The following RGPD4 variants were observed in gnomAD, a reference collection of about 807,000 sequenced individuals.
RGPD4 encodes the protein RANBP2 like and GRIP domain containing 4.
In RGPD4, 84 loss-of-function variants were observed where a neutral mutation model predicts 141.1. The observed-to-expected ratio is 0.60, with a 90% CI of 0.50 to 0.71. The LOEUF (loss-of-function observed/expected upper bound fraction) is 0.71. RGPD4 is among the 30% of genes least tolerant of loss of function. The pLI, the probability that RGPD4 is intolerant of heterozygous loss-of-function variation, is 0.00. For synonymous variants in RGPD4, 298 were observed against 566.8 expected (o/e 0.53, Z 6.74); for missense variants, 918 against 1,622.4 (o/e 0.57, Z 7.46).
chr2:107,888,374 G>A (rs1283973035), intron 22 of RGPD4, among the ~76,000 whole-genome samples: 1 of 151,158 alleles, frequency 6.6e-6, no homozygotes, highest in Admixed American at 6.6e-5. Context: ...ACATACAACA[G>A]TGCATTTCAG....
At chr2:107,881,088 T>C (rs1282318494) in intron 21 of RGPD4, among the ~76,000 whole-genome samples, 1 of 150,572 alleles carries the variant, frequency 6.6e-6, no homozygotes, top group African/African-American at 2.5e-5. Context: ...TGTACTTTGC[T>C]GCTCCTAATA....
intron 22 of RGPD4, chr2:107,883,089 A>G (rs1056843079): frequency 5.5e-5 from 37 of 672,658 alleles, no homozygotes; most frequent in Admixed American, 7.5e-5. Context: ...GCAAAATACA[A>G]TAAGTGCTTA....
Position 107,890,897 on chromosome 2 carries a change from T to C in RGPD4, c.*166T>C, listed in dbSNP as rs1675640328. ...TCAAAAAGTGTGTATATGTTTGCATTTACATATATTTGTACATCTATATGA... is the reference window on the plus strand; with the variant it reads ...TCAAAAAGTGTGTATATGTTTGCATCTACATATATTTGTACATCTATATGA... On this transcript the variant is annotated 3_prime_UTR_variant, in exon 23 of 23. Transcript: ENST00000408999. The C allele has an allele frequency of 4.4e-6, 3 of 677,856 alleles. No homozygotes were observed. Among genetic ancestry groups the C allele is most frequent in the African/African-American group, 3.7e-5 (2 of 54,500 alleles). 42.0% of individuals were successfully genotyped at this position (677,856 alleles called of 1,614,324 possible).
intron 1 of RGPD4, among the ~76,000 whole-genome samples, chr2:107,831,339 T>G (rs1420361575): frequency 7.8e-6 from 1 of 129,028 alleles, no homozygotes. Context: ...TTTATTTATA[T>G]TTTTTTTAGA....
At chr2:107,885,753 T>A (rs970632985) in intron 22 of RGPD4, among the ~76,000 whole-genome samples, 1 of 152,026 alleles carries the variant, frequency 6.6e-6, no homozygotes, top group Non-Finnish European at 1.5e-5. Flanking sequence ...ACATTCTCTC[T>A]TTAAGAGAGA....
intron 17 of RGPD4, among the ~76,000 whole-genome samples, chr2:107,863,580 C>A (rs1231496508): frequency 6.6e-6 from 1 of 151,630 alleles, no homozygotes; most frequent in Middle Eastern, 3.2e-3. Context: ...GCAACCTCCA[C>A]CTCCCAGGTT....
At chr2:107,847,247 C>G (rs989453058) in intron 6 of RGPD4, among the ~76,000 whole-genome samples, 5 of 141,566 alleles carry the variant, frequency 3.5e-5, no homozygotes, top group Non-Finnish European at 7.6e-5. Context: ...TCTCCAAAAA[C>G]AAAAACAAAA....
intron 7 of RGPD4, among the ~76,000 whole-genome samples, chr2:107,854,067 T>C (rs1025643922): frequency 2.7e-5 from 4 of 147,448 alleles, no homozygotes; most frequent in Non-Finnish European, 6.0e-5. Context: ...TTTTTTTTTT[T>C]TTTTTGCGAT....
rs1471347520 is a variant in RGPD4, at chr2:107,891,028, A to G, written c.*297A>G. On this transcript the variant is annotated 3_prime_UTR_variant, in exon 23 of 23. Coordinates refer to ENST00000408999, the MANE Select transcript of RGPD4 (RefSeq NM_182588.3). ...CATGTGATCTCCCATGCATGCTGCC[A>G]GAATAAAACCACCAGGAATGAATTC... Among the ~76,000 whole-genome samples the G allele has an allele frequency of 6.7e-6, 1 of 150,008 alleles. No homozygotes were observed. The highest frequency in any genetic ancestry group is 2.5e-5 in the African/African-American group (1 of 40,108).
intron 1 of RGPD4, among the ~76,000 whole-genome samples, chr2:107,831,317 A>T (rs576732724): frequency 9.5e-5 from 14 of 147,858 alleles, no homozygotes; most frequent in South Asian, 6.6e-4. Flanking sequence ...AGTCTACTTG[A>T]CAGCTCTTAT....
At chr2:107,861,834 T>A in intron 15 of RGPD4, 94 bp downstream of exon 15, 1 of 1,588,532 alleles carries the variant, frequency 6.3e-7, no homozygotes, top group Admixed American at 1.7e-5. Context: ...TCAAAAATAC[T>A]CAGTAATATG....
At position 107,826,944 on chromosome 2, in the gene RGPD4, G is replaced by C. The variant is rs1359440877; in HGVS notation, c.-70G>C. On this transcript the variant is annotated 5_prime_UTR_variant, in exon 1 of 23. Coordinates refer to ENST00000408999, the MANE Select transcript of RGPD4 (RefSeq NM_182588.3). ...GTCAGTGGCTTTCAGGCGCTTTCCTGTTGGAATTGGCGACTGCTGCGGGGC... is the reference window on the plus strand; with the variant it reads ...GTCAGTGGCTTTCAGGCGCTTTCCTCTTGGAATTGGCGACTGCTGCGGGGC... 16 of 1,552,378 alleles carry C rather than the reference G, an allele frequency of 1.0e-5. No individual in the cohort carries two copies. Among genetic ancestry groups the C allele is most frequent in the African/African-American group, 4.1e-5 (3 of 73,168 alleles).
Position 107,880,027 on chromosome 2 carries a change from A to C in RGPD4, c.4984A>C (p.Thr1662Pro). 1 of 1,611,470 alleles carries C rather than the reference A, an allele frequency of 6.2e-7. No homozygotes were observed. The highest frequency in any genetic ancestry group is 8.5e-7 in the Non-Finnish European group (1 of 1,179,840). The change falls in exon 21 of 23, where the codon ACC becomes CCC. Residue 1662 changes from threonine to proline, a missense_variant. Transcript: ENST00000408999. ...AGAATTGGTTCAGAAGCTCAGTTCCACCACAAAAAGTGCAGATCACTTAAA... is the reference window on the plus strand; with the variant it reads ...AGAATTGGTTCAGAAGCTCAGTTCCCCCACAAAAAGTGCAGATCACTTAAA... ...KEELVQKLSSTTKSADHLNGL... is the reference protein window; with the variant it reads ...KEELVQKLSSPTKSADHLNGL...
At chr2:107,827,716 C>G (rs1456371789) in intron 1 of RGPD4, among the ~76,000 whole-genome samples, 1 of 57,358 alleles carries the variant, frequency 1.7e-5, no homozygotes, top group African/African-American at 8.2e-5. Context: ...GGACCTGGCC[C>G]GGCGGCGGCC....
At position 107,831,340 on chromosome 2, in the gene RGPD4, T is replaced by A. The variant is rs1257618593; in HGVS notation, c.72+4255T>A. Among the ~76,000 whole-genome samples, 20 of 145,792 alleles carry A rather than the reference T, an allele frequency of 1.4e-4. No homozygotes were observed. In the Middle Eastern group the frequency reaches 0.011, roughly 79 times the overall value. ...TGACAGCTCTTATTTTTATTTATAT[T>A]TTTTTTAGAATAGGGTCTTGCTATG... On this transcript the variant is annotated intron_variant, in intron 1 of 22. Coordinates refer to ENST00000408999, the MANE Select transcript of RGPD4 (RefSeq NM_182588.3).
Position 107,861,632 on chromosome 2 carries a change from C to T in RGPD4, c.2097C>T (p.Ala699=). The T allele has an allele frequency of 2.5e-6, 4 of 1,609,766 alleles. 1 individual carries two copies. The highest frequency in any genetic ancestry group is 2.2e-5 in the South Asian group (2 of 90,908). The change falls in exon 15 of 23, where the codon GCC becomes GCT. Residue 699 remains alanine (A), a synonymous_variant. Coordinates refer to ENST00000408999, the MANE Select transcript of RGPD4 (RefSeq NM_182588.3). ...AGGCAGAAGACATTGCAAATGATGC[C>T]CTTTCTCCTGAAGAACAAGAAGAAT... ...HRKAEDIAND[A]LSPEEQEECK...
Position 107,827,099 on chromosome 2 carries a change from G to T in RGPD4, c.72+14G>T, listed in dbSNP as rs556804904. 3 of 1,584,760 alleles carry T rather than the reference G, an allele frequency of 1.9e-6. No homozygotes were observed. Among genetic ancestry groups the T allele is most frequent in the South Asian group, 2.3e-5 (2 of 86,792 alleles). ...TCGCCTCGAAAGGTGAGTGGATCTC[G>T]AAGAGACCGACGGCCTCGACCTGGC... On this transcript the variant is annotated intron_variant, in intron 1 of 22. Transcript: ENST00000408999.
chr2:107,884,579 A>G (rs2581010), intron 22 of RGPD4, among the ~76,000 whole-genome samples: 36 of 147,212 alleles, frequency 2.4e-4, no homozygotes, highest in East Asian at 3.9e-4. Flanking sequence ...AGGTGCAATT[A>G]GGTGGGATGG....
intron 1 of RGPD4, among the ~76,000 whole-genome samples, chr2:107,831,576 T>TCTTA (rs1387345852): frequency 7.7e-6 from 1 of 129,732 alleles, no homozygotes; most frequent in Non-Finnish European, 1.7e-5. Context: ...TCTTTTCTTT[T>TCTTA]TTTTTTTTTT....
Sources: gnomAD v4.1 joint callset for allele counts (sites outside exome capture counted in the v4.1 genomes callset) on GRCh38, gnomAD v4.1.1 for gene constraint, MANE v1.5 for transcripts, NCBI Gene and HGNC (gene_info 2026-07-23, HGNC 2026-07-21) for gene names.